Variants in UGT1A6 observed in about 807,000 individuals in gnomAD.
The protein encoded by UGT1A6 is UDP glucuronosyltransferase family 1 member A6.
Under a neutral mutation model 44.4 loss-of-function variants are expected in UGT1A6, and 32 were observed. The ratio of observed to expected loss-of-function variants is 0.72; its 90% CI spans 0.54 to 0.97. The LOEUF (loss-of-function observed/expected upper bound fraction) is 0.97, where lower values mean the gene tolerates loss of function less well. UGT1A6 is among the 50% of genes least tolerant of loss of function. UGT1A6 has a pLI of 0.00. For missense variants in UGT1A6, 685 were observed against 661.9 expected (o/e 1.03, Z -0.38); for synonymous variants, 238 against 248.5 (o/e 0.96, Z 0.40).
chr2:233,739,300 G>T (rs1406642019), intron 1 of UGT1A6, among the ~76,000 whole-genome samples: 2 of 152,210 alleles, frequency 1.3e-5, no homozygotes, highest in African/African-American at 2.4e-5. Flanking sequence ...CTGGGGCACT[G>T]CCTAGTGGAG....
intron 1 of UGT1A6, among the ~76,000 whole-genome samples, chr2:233,746,337 C>A (rs1693368199): frequency 6.6e-6 from 1 of 151,668 alleles, no homozygotes; most frequent in Admixed American, 6.6e-5. Context: ...GGGCAATGGA[C>A]ATGTTTATGT....
intron 1 of UGT1A6, among the ~76,000 whole-genome samples, chr2:233,709,100 G>T (rs905561167): frequency 6.6e-6 from 1 of 152,072 alleles, no homozygotes; most frequent in African/African-American, 2.4e-5. Flanking sequence ...GAAGTCACAT[G>T]CCCATCTCTG....
At chr2:233,755,040 C>T (rs756883955) in intron 1 of UGT1A6, 1 of 1,322,900 alleles carries the variant, frequency 7.6e-7, no homozygotes, top group South Asian at 1.1e-5. Flanking sequence ...GCCGCCTGCG[C>T]AGCCGCCCTC....
rs1699515943 is a variant in UGT1A6 at position 233,767,916 on chromosome 2, T to A, written c.1061T>A (p.Leu354Gln). The A allele has an allele frequency of 6.2e-7, 1 of 1,614,242 alleles. No homozygotes were observed. Among genetic ancestry groups the A allele is most frequent in the Non-Finnish European group, 8.5e-7 (1 of 1,180,052 alleles). The stretch of plus-strand genomic sequence containing the variant: ...AACAACACGATACTTGTTAAGTGGC[T>A]ACCCCAAAACGATCTGCTTGGTATG... ...LANNTILVKW[L>Q]PQNDLLGHPM... The change falls in exon 3 of 5, where the codon CTA becomes CAA. Residue 354 changes from leucine (L) to glutamine (Q), a missense_variant. By Grantham distance (113) the Leu-to-Gln change is moderately radical. Coordinates refer to ENST00000305139, the MANE Select transcript of UGT1A6 (RefSeq NM_001072.4).
chr2:233,747,798 A>T (rs1693779334), intron 1 of UGT1A6: 1 of 1,613,348 alleles, frequency 6.2e-7, no homozygotes, highest in Non-Finnish European at 8.5e-7. Context: ...CTATATTCCT[A>T]AGTTACTAAC....
At chr2:233,738,189 CCTCT>C (rs563579368) in intron 1 of UGT1A6, among the ~76,000 whole-genome samples, 82 of 152,188 alleles carry the variant, frequency 5.4e-4, no homozygotes, top group Non-Finnish European at 1.0e-3. Context: ...CGTGTCTTTG[CCTCT>C]CTCTCACTTT....
intron 1 of UGT1A6, chr2:233,760,443 G>A (rs773136953): frequency 2.5e-6 from 4 of 1,614,132 alleles, no homozygotes; most frequent in Non-Finnish European, 1.7e-6. Context: ...AGCTGCAGCA[G>A]AGGGGACATG....
intron 1 of UGT1A6, among the ~76,000 whole-genome samples, chr2:233,694,288 C>G (rs2075211231): frequency 6.6e-6 from 1 of 151,680 alleles, no homozygotes; most frequent in Non-Finnish European, 1.5e-5. Flanking sequence ...CCAATCTGCC[C>G]AAAGGCCTGT....
intron 1 of UGT1A6, chr2:233,760,131 T>A: frequency 7.3e-7 from 1 of 1,362,720 alleles, no homozygotes; most frequent in African/African-American, 1.5e-5. Context: ...TCCACCTTCT[T>A]TATCTCTGAA....
At chr2:233,749,415 A>G (rs1694185994) in intron 1 of UGT1A6, among the ~76,000 whole-genome samples, 1 of 151,912 alleles carries the variant, frequency 6.6e-6, no homozygotes, top group Non-Finnish European at 1.5e-5. Context: ...TGTTAACTAC[A>G]TTGCTCAAAA....
intron 1 of UGT1A6, chr2:233,741,833 G>A (rs1278091039): frequency 6.6e-6 from 1 of 151,848 alleles, no homozygotes; most frequent in Non-Finnish European, 1.5e-5. Flanking sequence ...ATCCAGTTCA[G>A]TTGCCTTTTG....
intron 1 of UGT1A6, chr2:233,743,847 G>C (rs771949487): frequency 2.9e-6 from 4 of 1,367,222 alleles, no homozygotes; most frequent in East Asian, 4.5e-5. Flanking sequence ...GCCAGCTTGC[G>C]GTACGCCTTC....
intron 1 of UGT1A6, among the ~76,000 whole-genome samples, chr2:233,724,370 GC>G (rs1390000328): frequency 6.8e-6 from 1 of 148,040 alleles, no homozygotes; most frequent in Non-Finnish European, 1.5e-5. Flanking sequence ...GGACGGGGTG[GC>G]TGCCGGGCGG....
At chr2:233,764,343 C>T (rs1313396621) in intron 1 of UGT1A6, among the ~76,000 whole-genome samples, 1 of 152,116 alleles carries the variant, frequency 6.6e-6, no homozygotes. Context: ...TGGACTTCAC[C>T]TTTATTGAGC....
In UGT1A6 at chr2:233,767,104, C is replaced by T. The variant is rs1699318263; in HGVS notation, c.932C>T (p.Ser311Leu). The part of the protein sequence containing the change: ...IVVFSLGSMV[S>L]EIPEKKAMAI... ...GTTTTCTCTTTGGGATCAATGGTCT[C>T]AGAAATTCCAGAGAAGAAAGCTATG... The change falls in exon 2 of 5, where the codon TCA becomes TTA. Residue 311 changes from serine to leucine, a missense_variant. Ser to Leu is a moderately radical substitution (Grantham distance 145). Coordinates refer to ENST00000305139, the MANE Select transcript of UGT1A6 (RefSeq NM_001072.4). 6.2e-7 allele frequency: 1 copy of T among 1,614,114 alleles called. No individual in the cohort carries two copies. The highest frequency in any genetic ancestry group is 8.5e-7 in the Non-Finnish European group (1 of 1,180,014).
At chr2:233,754,746 A>G (rs1695573516) in intron 1 of UGT1A6, 1 of 757,186 alleles carries the variant, frequency 1.3e-6, no homozygotes, top group Non-Finnish European at 2.0e-6. Flanking sequence ...GGACATGCAG[A>G]AGGAAGAAAG....
At chr2:233,695,469 T>G (rs2075291280) in intron 1 of UGT1A6, among the ~76,000 whole-genome samples, 2 of 151,992 alleles carry the variant, frequency 1.3e-5, no homozygotes, top group African/African-American at 4.8e-5. Flanking sequence ...TATTGGCCCT[T>G]TAGATGTTTT....
At chr2:233,743,832 T>G (rs569722093) in intron 1 of UGT1A6, 26 of 1,367,252 alleles carry the variant, frequency 1.9e-5, no homozygotes, top group South Asian at 9.1e-5. Context: ...GGGTGCCACT[T>G]GAGCGCCAGC....
intron 1 of UGT1A6, among the ~76,000 whole-genome samples, chr2:233,702,307 C>A (rs2075680349): frequency 6.6e-6 from 1 of 152,052 alleles, no homozygotes; most frequent in Non-Finnish European, 1.5e-5. Flanking sequence ...GTATATTGAT[C>A]TTGTACTTCA....
Sources: allele counts gnomAD v4.1 joint callset (sites outside exome capture counted in the v4.1 genomes callset), GRCh38; gene constraint gnomAD v4.1.1; transcripts MANE v1.5; gene names NCBI Gene and HGNC (gene_info 2026-07-23, HGNC 2026-07-21).